The following RPS6KC1 variants were observed in gnomAD, a reference collection of about 807,000 sequenced individuals.
The protein encoded by RPS6KC1 is ribosomal protein S6 kinase C1.
RPS6KC1 carries 54 observed loss-of-function variants against 103.8 expected under a neutral mutation model. The ratio of observed to expected loss-of-function variants is 0.52; its 90% CI spans 0.42 to 0.65. The LOEUF is 0.65. Among genes scored for constraint, RPS6KC1 ranks in the 30% least tolerant of loss-of-function variants. The pLI is 0.00. For synonymous variants in RPS6KC1, 439 were observed against 438.7 expected (o/e 1.00, Z -0.01); for missense variants, 1,151 against 1,253.8 (o/e 0.92, Z 1.24).
At chr1:213,119,346 C>T (rs2084072253) in intron 5 of RPS6KC1, among the ~76,000 whole-genome samples, 1 of 149,012 alleles carries the variant, frequency 6.7e-6, no homozygotes, top group South Asian at 2.1e-4. Flanking sequence ...ACTTGGGAGG[C>T]TGAGGCATGA....
intron 1 of RPS6KC1, among the ~76,000 whole-genome samples, chr1:213,062,201 T>A (rs1252954092): frequency 1.3e-5 from 2 of 152,180 alleles, no homozygotes; most frequent in Admixed American, 1.3e-4. Flanking sequence ...ATGCTACAGG[T>A]ATAAAATTTC....
intron 1 of RPS6KC1, among the ~76,000 whole-genome samples, chr1:213,054,254 G>C (rs1000827323): frequency 6.6e-6 from 1 of 152,196 alleles, no homozygotes; most frequent in African/African-American, 2.4e-5. Flanking sequence ...ATATATGCAT[G>C]TTACATATTG....
At chr1:213,084,872 G>A (rs1240400786) in intron 3 of RPS6KC1, among the ~76,000 whole-genome samples, 1 of 152,122 alleles carries the variant, frequency 6.6e-6, no homozygotes, top group African/African-American at 2.4e-5. Context: ...GCTGGATACT[G>A]CATAGGTGTC....
chr1:213,634,812 C>A, the RPS6KC1 span, among the ~76,000 whole-genome samples: 2 of 150,868 alleles, frequency 1.3e-5, no homozygotes, highest in Admixed American at 6.6e-5. Flanking sequence ...AAAAACCCTT[C>A]AAAAAATCAA....
At chr1:213,351,315 T>C in the RPS6KC1 span, among the ~76,000 whole-genome samples, 1 of 152,224 alleles carries the variant, frequency 6.6e-6, no homozygotes, top group Non-Finnish European at 1.5e-5. Context: ...ATGAAGTCTA[T>C]AAAAGCGCAA....
At chr1:213,152,467 C>T (rs2089275812) in intron 6 of RPS6KC1, among the ~76,000 whole-genome samples, 1 of 151,686 alleles carries the variant, frequency 6.6e-6, no homozygotes. Context: ...GGCGGAGGGG[C>T]TCCTCACTTC....
At chr1:213,258,901 A>G (rs959718981) in intron 12 of RPS6KC1, among the ~76,000 whole-genome samples, 2 of 152,210 alleles carry the variant, frequency 1.3e-5, no homozygotes, top group African/African-American at 2.4e-5. Flanking sequence ...GAGGGGTAGC[A>G]TATGTACTTT....
At chr1:213,643,624 C>T in the RPS6KC1 span, among the ~76,000 whole-genome samples, 1 of 151,988 alleles carries the variant, frequency 6.6e-6, no homozygotes, top group Non-Finnish European at 1.5e-5. Context: ...CCCTCCCTCC[C>T]TCAACCCCCT....
chr1:213,512,183 T>G, the RPS6KC1 span, among the ~76,000 whole-genome samples: 1 of 152,272 alleles, frequency 6.6e-6, no homozygotes, highest in Non-Finnish European at 1.5e-5. Context: ...AGAGTCTGTC[T>G]TAAGACATCA....
the RPS6KC1 span, among the ~76,000 whole-genome samples, chr1:213,518,280 T>C: frequency 6.6e-6 from 1 of 152,218 alleles, no homozygotes; most frequent in South Asian, 2.1e-4. Flanking sequence ...GCAGATGTAA[T>C]TAAGTTGAAG....
At chr1:213,255,496 C>T (rs900936803) in intron 12 of RPS6KC1, among the ~76,000 whole-genome samples, 2 of 152,060 alleles carry the variant, frequency 1.3e-5, no homozygotes, top group Non-Finnish European at 2.9e-5. Flanking sequence ...ATTTTAGGTA[C>T]ATATACCTGA....
At chr1:213,612,062 C>G in the RPS6KC1 span, among the ~76,000 whole-genome samples, 1 of 152,170 alleles carries the variant, frequency 6.6e-6, no homozygotes, top group East Asian at 1.9e-4. Context: ...TGAGAACATC[C>G]CTAGGTCAGC....
intron 4 of RPS6KC1, among the ~76,000 whole-genome samples, chr1:213,107,667 C>G (rs2082628505): frequency 6.6e-6 from 1 of 152,144 alleles, no homozygotes; most frequent in African/African-American, 2.4e-5. Context: ...TTGGGTGATT[C>G]CTGAGGAGAG....
the RPS6KC1 span, among the ~76,000 whole-genome samples, chr1:213,773,126 C>T: frequency 2.0e-5 from 3 of 152,090 alleles, no homozygotes; most frequent in African/African-American, 7.2e-5. Context: ...TTTATAGGGG[C>T]AGGGAGCCAT....
the RPS6KC1 span, among the ~76,000 whole-genome samples, chr1:213,452,686 C>CACAGAGACCTCCTCAGT: frequency 1.3e-5 from 2 of 152,206 alleles, no homozygotes; most frequent in Non-Finnish European, 1.5e-5. Flanking sequence ...GCCTCCGCAG[C>CACAGAGACCTCCTCAGT]ACAGAGACCT....
At chr1:213,682,266 A>G in the RPS6KC1 span, among the ~76,000 whole-genome samples, 1 of 152,064 alleles carries the variant, frequency 6.6e-6, no homozygotes, top group Non-Finnish European at 1.5e-5. Flanking sequence ...TCCGTCCCTC[A>G]TTTTGTAATT....
the RPS6KC1 span, among the ~76,000 whole-genome samples, chr1:213,356,340 T>A: frequency 6.6e-6 from 1 of 152,226 alleles, no homozygotes; most frequent in Non-Finnish European, 1.5e-5. Flanking sequence ...AGGTCACTGG[T>A]TCATTTCAGT....
chr1:213,760,131 G>GA, the RPS6KC1 span, among the ~76,000 whole-genome samples: 5,599 of 152,046 alleles, frequency 0.037, 332 homozygotes, highest in African/African-American at 0.13. Flanking sequence ...CCTTCTTCTG[G>GA]AAAAAAGGGC....
At chr1:213,575,099 A>T in the RPS6KC1 span, among the ~76,000 whole-genome samples, 1 of 152,068 alleles carries the variant, frequency 6.6e-6, no homozygotes, top group African/African-American at 2.4e-5. Context: ...TGAACTTGGG[A>T]AGGTTATTTA....
Sources: gnomAD v4.1 joint callset for allele counts (sites outside exome capture counted in the v4.1 genomes callset) on GRCh38, gnomAD v4.1.1 for gene constraint, MANE v1.5 for transcripts, NCBI Gene and HGNC (gene_info 2026-07-23, HGNC 2026-07-21) for gene names.